Variants in CHTF18 observed in about 807,000 individuals in gnomAD.
The protein encoded by CHTF18 is chromosome transmission fidelity factor 18, also known as chromosome transmission fidelity protein 18 homolog.
CHTF18 carries 151 observed loss-of-function variants against 113.4 expected under a neutral mutation model. The ratio of observed to expected loss-of-function variants is 1.33; its 90% confidence interval spans 1.17 to 1.52. The LOEUF is 1.52. CHTF18 is among the 40% of genes most tolerant of loss of function. The probability of loss-of-function intolerance (pLI) is 0.00; values close to 1 mark genes in which losing one functional copy is unlikely to be tolerated. For missense variants in CHTF18, 1,982 were observed against 1,381.6 expected, an observed-to-expected ratio of 1.43 and a Z score of -6.89; for synonymous variants, 916 against 598.8, an observed-to-expected ratio of 1.53 and a Z score of -7.74.
chr16:788,738 G>C lies in CHTF18; in HGVS notation c.54G>C (p.Gln18His), dbSNP rs1268059072. The C allele has an allele frequency of 1.2e-6, 2 of 1,602,836 alleles. No individual in the cohort carries two copies. Among genetic ancestry groups the C allele is most frequent in the South Asian group, 1.1e-5 (1 of 89,596 alleles). The change falls in exon 1 of 22, where the codon CAG becomes CAC. Residue 18 changes from glutamine to histidine, a missense_variant. Coordinates refer to ENST00000262315, the MANE Select transcript of CHTF18 (RefSeq NM_022092.3). ...LCGVEDDFHN[Q>H]FAAELEVLAE... The stretch of plus-strand genomic sequence containing the variant: ...GCGTCGAGGATGATTTCCACAACCA[G>C]TTCGCGGCCGAGCTGGAGGTGCTGG...
intron 10 of CHTF18, 33 bp from the exon 11 acceptor site, chr16:792,406 C>T (rs1303338729): frequency 1.9e-6 from 3 of 1,561,094 alleles, no homozygotes; most frequent in Non-Finnish European, 2.6e-6. Flanking sequence ...GCAGCAGGGC[C>T]TGGACTCACC....
intron 4 of CHTF18, 175 bp from the exon 5 acceptor site, chr16:790,002 T>A: frequency 6.5e-7 from 1 of 1,535,430 alleles, no homozygotes; most frequent in Non-Finnish European, 8.7e-7. Context: ...AATTTCCCTT[T>A]GCAGCTGACC....
At chr16:791,986 T>C (rs2042210441) in intron 9 of CHTF18, 38 bp downstream of exon 9, 1 of 1,575,506 alleles carries the variant, frequency 6.3e-7, no homozygotes, top group Non-Finnish European at 8.6e-7. Flanking sequence ...TCGCCTTCTG[T>C]CCTGACGTGT....
At chr16:790,449 C>T (rs916376400) in intron 6 of CHTF18, 50 bp downstream of exon 6, 9 of 1,610,874 alleles carry the variant, frequency 5.6e-6, no homozygotes, top group African/African-American at 5.3e-5. Flanking sequence ...GCTCTTGCAC[C>T]AACTCCTAGC....
chr16:790,877 G>A (rs908293088), intron 7 of CHTF18: 3 of 1,432,232 alleles, frequency 2.1e-6, no homozygotes, highest in African/African-American at 2.9e-5. Flanking sequence ...GGGGTCCAGG[G>A]TGTCACCTGA....
chr16:788,885 G>T, intron 1 of CHTF18, 46 bp from the exon 2 acceptor site: 1 of 1,508,366 alleles, frequency 6.6e-7, no homozygotes, highest in Non-Finnish European at 8.8e-7. Flanking sequence ...CCGCTGGCGG[G>T]ATCTGCTGTC....
intron 8 of CHTF18, 109 bp from the exon 9 acceptor site, chr16:791,742 G>A (rs2042201921): frequency 2.0e-6 from 3 of 1,472,072 alleles, no homozygotes; most frequent in African/African-American, 1.4e-5. Context: ...CTGGAGTGGG[G>A]TGGAGGGAGC....
rs17850060 is a variant in CHTF18 at position 790,636 on chromosome 16, C to G, written c.864C>G (p.Pro288=). ...SHCLWVDEFA[P]RHYTELLSDD... is the part of the protein sequence containing the mutation. ...GCCTCTGGGTGGATGAGTTTGCACC[C>G]CGCCACTACACGGAGCTGCTCAGTG... Residue 288 remains proline (P), a synonymous_variant, in exon 7 of 22, where the codon CCC becomes CCG. Coordinates refer to ENST00000262315, the MANE Select transcript of CHTF18 (RefSeq NM_022092.3). 0.026 allele frequency: 41,065 copies of G among 1,596,332 alleles called. 647 individuals carry two copies. Among genetic ancestry groups the G allele is most frequent in the Non-Finnish European group, 0.03 (35,377 of 1,173,818 alleles).
chr16:793,597 T>G, intron 14 of CHTF18: 1 of 535,306 alleles, frequency 1.9e-6, no homozygotes. Context: ...TTGCCACATT[T>G]GGCCTGGGCT....
intron 8 of CHTF18, 98 bp from the exon 9 acceptor site, chr16:791,753 G>A (rs912908358): frequency 8.1e-6 from 12 of 1,484,886 alleles, no homozygotes; most frequent in Non-Finnish European, 1.1e-5. Context: ...TGGAGGGAGC[G>A]CCCAGCCTGT....
intron 15 of CHTF18, chr16:794,860 G>T: frequency 4.1e-6 from 2 of 488,514 alleles, no homozygotes; most frequent in Non-Finnish European, 7.3e-6. Flanking sequence ...TCACCCCCTC[G>T]TGTCAGTCTC....
intron 7 of CHTF18, 36 bp from the exon 8 acceptor site, chr16:791,125 C>T (rs540340115): frequency 3.0e-5 from 47 of 1,583,526 alleles, no homozygotes; most frequent in East Asian, 2.8e-4. Flanking sequence ...GAGGCGGTGC[C>T]CTCAGGCTGT....
rs781444738 is a variant in CHTF18 at position 789,376 on chromosome 16, A to G, written c.437+16A>G. The stretch of plus-strand genomic sequence containing the variant: ...GGGGCCACGGGTGTGTGGCTTGGAC[A>G]TGGGCGTCCCATCCCATCTGTCCAG... On this transcript the variant is annotated intron_variant, in intron 3 of 21. Transcript: ENST00000262315. 8 of 1,567,960 alleles carry G rather than the reference A, an allele frequency of 5.1e-6. No homozygotes were observed. In the East Asian group the frequency reaches 1.6e-4, roughly 31 times the overall value.
At chr16:793,651 T>G (rs1188691627) in intron 14 of CHTF18, 1 of 516,196 alleles carries the variant, frequency 1.9e-6, no homozygotes, top group Non-Finnish European at 3.6e-6. Context: ...TGGCCTCCCG[T>G]GGGCAGGAGC....
chr16:788,859 A>AG (rs35088206), intron 1 of CHTF18, 72 bp from the exon 2 acceptor site: 46 of 1,508,472 alleles, frequency 3.0e-5, no homozygotes, highest in Non-Finnish European at 3.3e-5. Flanking sequence ...CGGGGGCCGA[A>AG]GGGGCCTCCA....
At chr16:789,795 C>A in intron 4 of CHTF18, 80 bp downstream of exon 4, 2 of 1,447,940 alleles carry the variant, frequency 1.4e-6, no homozygotes, top group Non-Finnish European at 1.8e-6. Flanking sequence ...TCACCCCTGC[C>A]ATTTGCTTAA....
chr16:792,334 A>G lies in CHTF18; in HGVS notation c.1313A>G (p.Asp438Gly). The G allele has an allele frequency of 1.3e-6, 2 of 1,553,620 alleles. No homozygotes were observed. Among genetic ancestry groups the G allele is most frequent in the South Asian group, 1.2e-5 (1 of 84,318 alleles). ...AACTGCCTGGTCATCGATGAGATCG[A>G]CGGGGCCCCCGTGGTGGGCTCCTTG... ...KPNCLVIDEI[D>G]GAPVAAINVL... The change falls in exon 10 of 22, where the codon GAC becomes GGC. Residue 438 changes from aspartate to glycine, a missense_variant. By Grantham distance (94) the Asp-to-Gly change is moderately conservative. Transcript: ENST00000262315.
intron 11 of CHTF18, 41 bp downstream of exon 11, chr16:792,631 G>T: frequency 6.3e-7 from 1 of 1,591,874 alleles, no homozygotes; most frequent in Non-Finnish European, 8.5e-7. Flanking sequence ...AGAGGCTCTG[G>T]TGCCTGGAGG....
At position 792,236 on chromosome 16, in the gene CHTF18, C is replaced by A. The variant is rs1425320979; in HGVS notation, c.1215C>A (p.Ser405Arg). Reference sequence around the variant, plus strand: ...CTCCCCATTGCAGTGACGACCGTAGCCCGGAGGTCTTCCGCACACGCATCG... The same window carrying A: ...CTCCCCATTGCAGTGACGACCGTAGACCGGAGGTCTTCCGCACACGCATCG... ...VVEMNASDDR[S>R]PEVFRTRIEA... The change falls in exon 10 of 22, where the codon AGC becomes AGA. Residue 405 changes from serine (S) to arginine (R), a missense_variant. Transcript: ENST00000262315. 2 of 1,570,030 alleles carry A rather than the reference C, an allele frequency of 1.3e-6. No individual in the cohort carries two copies. Among genetic ancestry groups the A allele is most frequent in the Non-Finnish European group, 1.7e-6 (2 of 1,158,674 alleles).
Sources: gnomAD v4.1 joint callset for allele counts on GRCh38, gnomAD v4.1.1 for gene constraint, MANE v1.5 for transcripts, NCBI Gene and HGNC (gene_info 2026-07-23, HGNC 2026-07-21) for gene names.